The following GHR variants were observed in gnomAD, a reference collection of about 807,000 sequenced individuals.
GHR encodes the protein growth hormone receptor.
Under a neutral mutation model 67.1 loss-of-function variants are expected in GHR, and 35 were observed. The observed-to-expected ratio is 0.52, with a 90% CI of 0.40 to 0.69. GHR has a LOEUF of 0.69. Among genes scored for constraint, GHR ranks in the 30% least tolerant of loss-of-function variants. The probability of loss-of-function intolerance (pLI) is 0.00; values close to 1 mark genes in which losing one functional copy is unlikely to be tolerated. For missense variants in GHR, 792 were observed against 764.6 expected (o/e 1.04, Z -0.42); for synonymous variants, 272 against 269.1 (o/e 1.01, Z -0.10).
intron 1 of GHR, among the ~76,000 whole-genome samples, chr5:42,474,356 A>G: frequency 6.6e-6 from 1 of 152,102 alleles, no homozygotes; most frequent in Admixed American, 6.6e-5. Context: ...TAAAGAAAGA[A>G]AGCAAAGTGT....
At chr5:42,504,635 T>C (rs1328249458) in intron 1 of GHR, among the ~76,000 whole-genome samples, 1 of 152,072 alleles carries the variant, frequency 6.6e-6, no homozygotes, top group Non-Finnish European at 1.5e-5. Flanking sequence ...GGTGCACACC[T>C]GTAGTCCCAG....
chr5:42,511,136 G>C (rs114742702), intron 1 of GHR, among the ~76,000 whole-genome samples: 272 of 152,272 alleles, frequency 1.8e-3, no homozygotes, highest in Middle Eastern at 3.4e-3. Flanking sequence ...TGTGTCAGGT[G>C]AGCACCCACC....
At chr5:42,597,805 T>C (rs142706908) in intron 2 of GHR, among the ~76,000 whole-genome samples, 2 of 152,316 alleles carry the variant, frequency 1.3e-5, no homozygotes, top group African/African-American at 4.8e-5. Context: ...CCATATCCAC[T>C]ACTAAGTGAG....
intron 2 of GHR, among the ~76,000 whole-genome samples, chr5:42,587,153 A>G (rs1036690323): frequency 1.3e-5 from 2 of 152,204 alleles, no homozygotes; most frequent in African/African-American, 4.8e-5. Flanking sequence ...ATTTAAAAAC[A>G]TGTGTCTACA....
chr5:42,718,890 T>G lies in GHR; in HGVS notation c.1383T>G (p.Thr461=), dbSNP rs1480121746. The change falls in exon 10 of 10, where the codon ACT becomes ACG. Residue 461 remains threonine (T), a synonymous_variant. Coordinates refer to ENST00000230882, the MANE Select transcript of GHR (RefSeq NM_000163.5). The part of the protein sequence containing the change: ...AEKNKPQPLP[T]EGAESTHQAA... The stretch of plus-strand genomic sequence containing the variant: ...AAAACAAACCACAACCACTTCCTAC[T>G]GAAGGAGCTGAGTCAACTCACCAAG... 29 of 1,613,980 alleles carry G rather than the reference T, an allele frequency of 1.8e-5. No homozygotes were observed. Among genetic ancestry groups the G allele is most frequent in the Non-Finnish European group, 2.3e-5 (27 of 1,179,998 alleles).
At chr5:42,524,727 T>C (rs1747630739) in intron 1 of GHR, among the ~76,000 whole-genome samples, 1 of 152,148 alleles carries the variant, frequency 6.6e-6, no homozygotes, top group Non-Finnish European at 1.5e-5. Context: ...AAAATTGTTT[T>C]TCTGGGCCAG....
At chr5:42,451,663 A>C (rs1232160691) in intron 1 of GHR, among the ~76,000 whole-genome samples, 1 of 146,912 alleles carries the variant, frequency 6.8e-6, no homozygotes, top group African/African-American at 2.5e-5. Context: ...CCAAGATTGC[A>C]CCACTGACTC....
chr5:42,511,210 TTTC>T (rs1197791496), intron 1 of GHR, among the ~76,000 whole-genome samples: 1 of 152,226 alleles, frequency 6.6e-6, no homozygotes, highest in African/African-American at 2.4e-5. Flanking sequence ...TCCTCACGGA[TTTC>T]TTCTTCTATT....
rs890232615 is a variant in GHR at position 42,629,396 on chromosome 5, C to G, written c.136+293C>G. ...CTCATGAATGGTTTAGCACCCTCCT[C>G]TTTGTGCTGTCCTCACCATGAGTGA... On this transcript the variant is annotated intron_variant, in intron 3 of 9. Coordinates refer to ENST00000230882, the MANE Select transcript of GHR (RefSeq NM_000163.5). 2.3e-5 allele frequency among the ~76,000 whole-genome samples: 3 copies of G among 131,468 alleles called. 1 individual carries two copies. Among genetic ancestry groups the G allele is most frequent in the Admixed American group, 2.2e-4 (3 of 13,700 alleles). 86.2% of individuals were successfully genotyped at this position (131,468 alleles called of 152,430 possible).
chr5:42,505,510 A>C (rs1442368534), intron 1 of GHR, among the ~76,000 whole-genome samples: 1 of 152,134 alleles, frequency 6.6e-6, no homozygotes, highest in Non-Finnish European at 1.5e-5. Flanking sequence ...TTTGTTAGAA[A>C]GATAAGACTT....
At chr5:42,613,359 A>C (rs1426201575) in intron 2 of GHR, among the ~76,000 whole-genome samples, 4 of 152,146 alleles carry the variant, frequency 2.6e-5, no homozygotes, top group Non-Finnish European at 5.9e-5. Context: ...GCTGTAATCA[A>C]CTTAACCACT....
chr5:42,515,740 T>C (rs972033033), intron 1 of GHR, among the ~76,000 whole-genome samples: 5 of 152,212 alleles, frequency 3.3e-5, no homozygotes, highest in African/African-American at 4.8e-5. Flanking sequence ...TAGTGGGTGG[T>C]CCAACCTTCA....
intron 3 of GHR, among the ~76,000 whole-genome samples, chr5:42,654,755 G>T (rs1287139668): frequency 6.6e-6 from 1 of 152,118 alleles, no homozygotes; most frequent in African/African-American, 2.4e-5. Context: ...TACCCCAGTG[G>T]TTTTGCTGCA....
intron 1 of GHR, among the ~76,000 whole-genome samples, chr5:42,428,243 C>T (rs913334747): frequency 6.6e-6 from 1 of 152,220 alleles, no homozygotes; most frequent in Non-Finnish European, 1.5e-5. Flanking sequence ...CACATGGAAG[C>T]TTCCAAGACT....
chr5:42,602,666 A>G (rs1299468954), intron 2 of GHR, among the ~76,000 whole-genome samples: 1 of 151,920 alleles, frequency 6.6e-6, no homozygotes, highest in South Asian at 2.1e-4. Flanking sequence ...TAACTTCTAT[A>G]TATTTTTTCT....
intron 6 of GHR, among the ~76,000 whole-genome samples, chr5:42,701,652 T>A (rs1352552509): frequency 6.6e-6 from 1 of 152,162 alleles, no homozygotes; most frequent in Non-Finnish European, 1.5e-5. Context: ...ATGGAAAAAA[T>A]TTGACTTTTC....
At chr5:42,462,171 T>C (rs2112048646) in intron 1 of GHR, among the ~76,000 whole-genome samples, 1 of 152,336 alleles carries the variant, frequency 6.6e-6, no homozygotes, top group African/African-American at 2.4e-5. Context: ...AATTTAACGA[T>C]GAAAGTGGAA....
chr5:42,444,094 A>G (rs1250286746), intron 1 of GHR, among the ~76,000 whole-genome samples: 1 of 152,168 alleles, frequency 6.6e-6, no homozygotes, highest in Non-Finnish European at 1.5e-5. Context: ...AAGTTACAGC[A>G]CTATCTTCTC....
chr5:42,701,066 G>A (rs367742549), intron 6 of GHR, among the ~76,000 whole-genome samples: 3 of 152,130 alleles, frequency 2.0e-5, no homozygotes, highest in East Asian at 1.9e-4. Flanking sequence ...CTGAGGTGGC[G>A]GTTCTCAAAG....
Sources: allele counts gnomAD v4.1 joint callset (sites outside exome capture counted in the v4.1 genomes callset), GRCh38; gene constraint gnomAD v4.1.1; transcripts MANE v1.5; gene names NCBI Gene and HGNC (gene_info 2026-07-23, HGNC 2026-07-21).